Variants in ZFAND3 observed in about 807,000 individuals in gnomAD.
ZFAND3 encodes the protein AN1-type zinc finger protein 3.
Under a neutral mutation model 29.6 loss-of-function variants are expected in ZFAND3, and 10 were observed. That is an observed-to-expected ratio of 0.34 (90% CI 0.21 to 0.57). The LOEUF is 0.57. Ranked by LOEUF, ZFAND3 falls within the 20% of genes least tolerant of loss-of-function variation. The probability of loss-of-function intolerance (pLI) is 0.86; values close to 1 mark genes in which losing one functional copy is unlikely to be tolerated. For missense variants in ZFAND3, 230 were observed against 304.5 expected (o/e 0.76, Z 1.82); for synonymous variants, 128 against 112.6 (o/e 1.14, Z -0.87).
intron 4 of ZFAND3, among the ~76,000 whole-genome samples, chr6:38,085,262 T>C (rs960819222): frequency 6.6e-6 from 1 of 152,214 alleles, no homozygotes; most frequent in African/African-American, 2.4e-5. Flanking sequence ...CCTTCAGGCA[T>C]AGATGGTCAG....
chr6:37,872,255 G>A lies in ZFAND3; in HGVS notation c.71+52239G>A, dbSNP rs1048612893. Among the ~76,000 whole-genome samples, 12 of 152,156 alleles carry A rather than the reference G, an allele frequency of 7.9e-5. No homozygotes were observed. The East Asian group carries it at 1.7e-3, about 22-fold the overall frequency. On this transcript the variant is annotated intron_variant, in intron 1 of 5. Transcript: ENST00000287218. ...TTTCTCAATGCAATTCCCATTTTCC[G>A]GTGCAGACTCACAGTTTCTGCCTGG... is the stretch of plus-strand genomic sequence containing the variant.
At chr6:38,039,777 A>G (rs529591991) in intron 2 of ZFAND3, among the ~76,000 whole-genome samples, 1 of 152,316 alleles carries the variant, frequency 6.6e-6, no homozygotes, top group African/African-American at 2.4e-5. Context: ...AGCTTTATTA[A>G]TAATACTTAA....
intron 2 of ZFAND3, among the ~76,000 whole-genome samples, chr6:37,970,486 G>T (rs1326092980): frequency 6.6e-6 from 1 of 152,166 alleles, no homozygotes; most frequent in African/African-American, 2.4e-5. Flanking sequence ...TCTGTGGCAA[G>T]AATTACCTGG....
At chr6:38,137,209 A>G (rs1353447126) in intron 5 of ZFAND3, among the ~76,000 whole-genome samples, 1 of 152,226 alleles carries the variant, frequency 6.6e-6, no homozygotes, top group East Asian at 1.9e-4. Context: ...TCCTATGAAT[A>G]ACGGCAATAG....
chr6:38,139,646 T>C (rs1039286492), intron 5 of ZFAND3, among the ~76,000 whole-genome samples: 2 of 152,018 alleles, frequency 1.3e-5, no homozygotes, highest in African/African-American at 4.8e-5. Flanking sequence ...GTGGGGAAAT[T>C]TTTATTGTAA....
intron 1 of ZFAND3, among the ~76,000 whole-genome samples, chr6:37,899,030 G>T (rs545571821): frequency 1.3e-5 from 2 of 152,134 alleles, no homozygotes; most frequent in Non-Finnish European, 2.9e-5. Context: ...CAAGTAGCCG[G>T]TACTACAGGC....
chr6:38,034,249 C>T (rs978575422), intron 2 of ZFAND3, among the ~76,000 whole-genome samples: 3 of 152,070 alleles, frequency 2.0e-5, no homozygotes, highest in African/African-American at 4.8e-5. Flanking sequence ...AAGCTTTTAC[C>T]TTCTCCACCT....
chr6:38,005,683 T>C (rs1450330189), intron 2 of ZFAND3, among the ~76,000 whole-genome samples: 1 of 152,264 alleles, frequency 6.6e-6, no homozygotes, highest in African/African-American at 2.4e-5. Flanking sequence ...AGTTGTTACA[T>C]TCTGCATGGT....
chr6:37,837,214 G>C (rs1041190646), intron 1 of ZFAND3, among the ~76,000 whole-genome samples: 3 of 152,154 alleles, frequency 2.0e-5, no homozygotes. Flanking sequence ...AGACTTCTTG[G>C]CTGATACTGG....
chr6:37,941,490 T>C (rs1288432161), intron 2 of ZFAND3, among the ~76,000 whole-genome samples: 1 of 152,204 alleles, frequency 6.6e-6, no homozygotes, highest in Non-Finnish European at 1.5e-5. Context: ...GGGAGTGTTT[T>C]TGTCTAACAC....
intron 3 of ZFAND3, among the ~76,000 whole-genome samples, chr6:38,066,076 C>G (rs1764341170): frequency 6.6e-6 from 1 of 152,208 alleles, no homozygotes; most frequent in Non-Finnish European, 1.5e-5. Context: ...TAGTGGTTAA[C>G]AGGCATGTCA....
At chr6:37,830,957 G>A (rs1019683135) in intron 1 of ZFAND3, among the ~76,000 whole-genome samples, 1 of 152,108 alleles carries the variant, frequency 6.6e-6, no homozygotes, top group Non-Finnish European at 1.5e-5. Context: ...GGCTGATGAA[G>A]GGCCCCCTTT....
At chr6:37,904,339 A>G (rs1269697585) in intron 1 of ZFAND3, among the ~76,000 whole-genome samples, 3 of 152,162 alleles carry the variant, frequency 2.0e-5, no homozygotes, top group Non-Finnish European at 4.4e-5. Context: ...CTCATTTTAT[A>G]TTTGCTATAC....
In ZFAND3 at chr6:37,896,554, CTT is replaced by C. The variant is rs150225875; in HGVS notation, c.72-33403_72-33402del. Among the ~76,000 whole-genome samples, 17 of 137,814 alleles carry C rather than the reference CTT, an allele frequency of 1.2e-4. No individual in the cohort carries two copies. In the East Asian group the frequency reaches 3.3e-3, roughly 27 times the overall value. 90.4% of individuals were successfully genotyped at this position (137,814 alleles called of 152,430 possible). ...TCTTTCTTTCTTTCTTTCTTTCTTT[CTT>C]TCTTTCTTTCTTTCTCTCTTTCTCT... On this transcript the variant is annotated intron_variant, in intron 1 of 5. Transcript: ENST00000287218.
intron 2 of ZFAND3, among the ~76,000 whole-genome samples, chr6:38,012,372 A>G (rs1763170145): frequency 6.9e-6 from 1 of 145,258 alleles, no homozygotes; most frequent in African/African-American, 2.5e-5. Context: ...TTTCTTTTTG[A>G]TAGTATTTTT....
rs78613878 is a variant in ZFAND3, at chr6:37,956,023, G to A, written c.112+26024G>A. On this transcript the variant is annotated intron_variant, in intron 2 of 5. Transcript: ENST00000287218. ...GTTGTTGATGAACTGGGTTTTGGAC[G>A]CAGCTTGAGATAATTTGGGAAGTGC... Among the ~76,000 whole-genome samples the A allele has an allele frequency of 0.017, 2,582 of 152,182 alleles. 252 individuals are homozygous for A. In the East Asian group the frequency reaches 0.28, roughly 16 times the overall value.
chr6:37,870,292 C>CAAACA (rs1561917150), intron 1 of ZFAND3, among the ~76,000 whole-genome samples: 4 of 33,496 alleles, frequency 1.2e-4, no homozygotes, highest in Non-Finnish European at 2.0e-4. Context: ...GAGACTGTCT[C>CAAACA]AAAAAAAAAA....
rs1167016578 is a variant in ZFAND3 at position 38,152,953 on chromosome 6, TGGG to T, written c.*568_*570del. 3.0e-6 allele frequency: 3 copies of T among 985,628 alleles called. No individual in the cohort carries two copies. The highest frequency in any genetic ancestry group is 2.3e-4 in the East Asian group (2 of 8,812). 61.1% of individuals were successfully genotyped at this position (985,628 alleles called of 1,614,324 possible). ...CCTCACTCTCCCACAGAGCTGGAAA[TGGG>T]GGGTGGGGGACAGATTCTTACGGAA... On this transcript the variant is annotated 3_prime_UTR_variant, in exon 6 of 6. Transcript: ENST00000287218.
chr6:37,858,057 G>A (rs1764416920), intron 1 of ZFAND3, among the ~76,000 whole-genome samples: 1 of 152,186 alleles, frequency 6.6e-6, no homozygotes, highest in Admixed American at 6.6e-5. Flanking sequence ...GGAAAACTGT[G>A]TAAACTCTAG....
Sources: allele counts gnomAD v4.1 joint callset (sites outside exome capture counted in the v4.1 genomes callset), GRCh38; gene constraint gnomAD v4.1.1; transcripts MANE v1.5; gene names NCBI Gene and HGNC (gene_info 2026-07-23, HGNC 2026-07-21).